Variants in HIVEP2 observed in about 807,000 individuals in gnomAD.
The protein encoded by HIVEP2 is transcription factor HIVEP2.
HIVEP2 carries 14 observed loss-of-function variants against 180.7 expected under a neutral mutation model. The ratio of observed to expected loss-of-function variants is 0.08; its 90% CI spans 0.05 to 0.12. The LOEUF (loss-of-function observed/expected upper bound fraction) is 0.12, where lower values mean the gene tolerates loss of function less well. HIVEP2 is among the 10% of genes least tolerant of loss of function. HIVEP2 has a pLI of 1.00. For synonymous variants in HIVEP2, 1,184 were observed against 1,136.4 expected (o/e 1.04, Z -0.84); for missense variants, 2,579 against 3,008.5 (o/e 0.86, Z 3.34).
chr6:142,844,806 GA>G lies in HIVEP2; in HGVS notation c.-640-7760del, dbSNP rs373844462. ...ACATGCAAACACTCACTAGTGACAAGAAAAAAAATATTAATATGAGAATGCT... is the reference window on the plus strand; with the variant it reads ...ACATGCAAACACTCACTAGTGACAAGAAAAAAATATTAATATGAGAATGCT... On this transcript the variant is annotated intron_variant, in intron 1 of 9. Coordinates refer to ENST00000367603, the MANE Select transcript of HIVEP2 (RefSeq NM_006734.4). 1.1e-3 allele frequency among the ~76,000 whole-genome samples: 172 copies of G among 151,846 alleles called. 1 individual carries two copies. The East Asian group carries it at 0.016, about 14-fold the overall frequency.
intron 1 of HIVEP2, among the ~76,000 whole-genome samples, chr6:142,839,394 T>TG (rs1243474462): frequency 6.6e-6 from 1 of 151,998 alleles, no homozygotes; most frequent in Non-Finnish European, 1.5e-5. Flanking sequence ...GGTTGGGGGT[T>TG]GGGGGAGGGA....
intron 1 of HIVEP2, among the ~76,000 whole-genome samples, chr6:142,924,095 T>C (rs1030309794): frequency 2.0e-5 from 3 of 152,214 alleles, no homozygotes; most frequent in African/African-American, 7.2e-5. Context: ...TGCAGATGAT[T>C]AGAATAGTAA....
chr6:142,938,226 TGCTATACCCTTC>T (rs1778100394), intron 1 of HIVEP2, among the ~76,000 whole-genome samples: 2 of 152,308 alleles, frequency 1.3e-5, no homozygotes, highest in South Asian at 4.1e-4. Context: ...CCCCCACTCC[TGCTATACCCTTC>T]GCTTTTGCTT....
In HIVEP2 at chr6:142,769,930, C is replaced by A. The variant is rs1264749903; in HGVS notation, c.4809G>T (p.Arg1603=). The A allele has an allele frequency of 1.9e-5, 31 of 1,613,944 alleles. No homozygotes were observed. The highest frequency in any genetic ancestry group is 2.4e-5 in the Non-Finnish European group (28 of 1,180,050). The change falls in exon 5 of 10, where the codon CGG becomes CGT. Residue 1603 remains arginine, a synonymous_variant. Coordinates refer to ENST00000367603, the MANE Select transcript of HIVEP2 (RefSeq NM_006734.4). ...QLEEEGKGHK[R]PVGMLVRMAS... ...CCATGCGGACCAGCATGCCAACAGGCCGCTTGTGGCCCTTCCCTTCCTCTT... is the reference window on the plus strand; with the variant it reads ...CCATGCGGACCAGCATGCCAACAGGACGCTTGTGGCCCTTCCCTTCCTCTT...
intron 1 of HIVEP2, among the ~76,000 whole-genome samples, chr6:142,838,158 A>T (rs1775273154): frequency 6.6e-6 from 1 of 152,100 alleles, no homozygotes. Flanking sequence ...AAAACAAAAG[A>T]TGTTGCTAAC....
At chr6:142,877,129 CCTTTT>C (rs1237532797) in intron 1 of HIVEP2, among the ~76,000 whole-genome samples, 1 of 152,046 alleles carries the variant, frequency 6.6e-6, no homozygotes, top group Non-Finnish European at 1.5e-5. Context: ...ATATTTTTGC[CCTTTT>C]CTTTATTATC....
chr6:142,914,328 G>A (rs1049575809), intron 1 of HIVEP2, among the ~76,000 whole-genome samples: 1 of 152,060 alleles, frequency 6.6e-6, no homozygotes, highest in African/African-American at 2.4e-5. Flanking sequence ...CTTTCTTAGA[G>A]GTACATCAAA....
chr6:142,820,303 C>T (rs1324793148), intron 2 of HIVEP2, among the ~76,000 whole-genome samples: 1 of 151,646 alleles, frequency 6.6e-6, no homozygotes, highest in Non-Finnish European at 1.5e-5. Context: ...TCTCTTCTCT[C>T]TCTCTCTCTC....
rs142921016 is a variant in HIVEP2, at chr6:142,815,773, C to T, written c.-528+21162G>A. On this transcript the variant is annotated intron_variant, in intron 2 of 9. Transcript: ENST00000367603. ...ATAATTTAGATGACTCCACAAGAGT[C>T]TTTCTTGAATCACAAATTGCTAGTC... Among the ~76,000 whole-genome samples the T allele has an allele frequency of 4.9e-4, 75 of 152,306 alleles. 1 individual carries two copies. Among genetic ancestry groups the T allele is most frequent in the African/African-American group, 1.7e-3 (70 of 41,572 alleles).
chr6:142,768,036 T>C (rs1369488308), intron 6 of HIVEP2, among the ~76,000 whole-genome samples: 1 of 152,206 alleles, frequency 6.6e-6, no homozygotes, highest in Non-Finnish European at 1.5e-5. Context: ...AATAAAAATA[T>C]GTCCGTCAAT....
chr6:142,921,668 A>G (rs1353459875), intron 1 of HIVEP2, among the ~76,000 whole-genome samples: 3 of 152,252 alleles, frequency 2.0e-5, no homozygotes, highest in Non-Finnish European at 2.9e-5. Context: ...CTATTGCCCT[A>G]TCCCTACTGA....
At chr6:142,787,108 T>C (rs12192671) in intron 2 of HIVEP2, among the ~76,000 whole-genome samples, 29,482 of 151,892 alleles carry the variant, frequency 0.19, 3,064 homozygotes, top group Middle Eastern at 0.27. Context: ...AAAAAAAATT[T>C]AAGCAGGTGT....
At chr6:142,821,403 G>C (rs1300520353) in intron 2 of HIVEP2, among the ~76,000 whole-genome samples, 5 of 152,140 alleles carry the variant, frequency 3.3e-5, no homozygotes, top group Non-Finnish European at 5.9e-5. Flanking sequence ...GTAGCATAGT[G>C]GCCCAGATCA....
At chr6:142,788,035 G>A (rs1393878840) in intron 2 of HIVEP2, 1 of 152,194 alleles carries the variant, frequency 6.6e-6, no homozygotes, top group African/African-American at 2.4e-5. Context: ...TTCTCAGCAG[G>A]TAGTGCAGGA....
intron 1 of HIVEP2, among the ~76,000 whole-genome samples, chr6:142,846,381 G>A (rs565451446): frequency 6.6e-6 from 1 of 152,284 alleles, no homozygotes; most frequent in African/African-American, 2.4e-5. Flanking sequence ...CCCGGCCAGC[G>A]GCCACTGTCT....
intron 1 of HIVEP2, among the ~76,000 whole-genome samples, chr6:142,895,496 C>T (rs1362669312): frequency 6.6e-6 from 1 of 152,106 alleles, no homozygotes; most frequent in African/African-American, 2.4e-5. Context: ...GGCTCCAAAT[C>T]TACATTTTTT....
intron 3 of HIVEP2, among the ~76,000 whole-genome samples, chr6:142,782,543 T>C (rs1775884435): frequency 1.3e-5 from 2 of 152,208 alleles, no homozygotes; most frequent in Non-Finnish European, 2.9e-5. Flanking sequence ...CCAAATTCAT[T>C]ATAAAGGCTT....
intron 2 of HIVEP2, among the ~76,000 whole-genome samples, chr6:142,835,204 T>C (rs1775192666): frequency 6.6e-6 from 1 of 152,164 alleles, no homozygotes; most frequent in Non-Finnish European, 1.5e-5. Flanking sequence ...GCAGCATCCT[T>C]ATTTAATGCA....
intron 9 of HIVEP2, among the ~76,000 whole-genome samples, chr6:142,756,798 TATCTATCTATC>T (rs1412914951): frequency 1.6e-4 from 10 of 60,796 alleles, no homozygotes; most frequent in African/African-American, 7.8e-4. Context: ...AAAGATACCT[TATCTATCTATC>T]TATCTATCTA....
Sources: gnomAD v4.1 joint callset for allele counts (sites outside exome capture counted in the v4.1 genomes callset) on GRCh38, gnomAD v4.1.1 for gene constraint, MANE v1.5 for transcripts, NCBI Gene and HGNC (gene_info 2026-07-23, HGNC 2026-07-21) for gene names.